FRMD5: variants seen among roughly 807,000 people sequenced by gnomAD.
The protein encoded by FRMD5 is FERM domain containing 5.
In FRMD5, 20 loss-of-function variants were observed where a neutral mutation model predicts 69.0. The observed-to-expected ratio is 0.29, with a 90% CI of 0.20 to 0.42. FRMD5 has a LOEUF of 0.42. Ranked by LOEUF, FRMD5 falls within the 10% of genes least tolerant of loss-of-function variation. The pLI is 1.00. For synonymous variants in FRMD5, 271 were observed against 260.1 expected, an observed-to-expected ratio of 1.04 and a Z score of -0.40; for missense variants, 595 against 708.6, an observed-to-expected ratio of 0.84 and a Z score of 1.82.
intron 1 of FRMD5, among the ~76,000 whole-genome samples, chr15:44,110,739 T>C (rs548094065): frequency 9.2e-5 from 14 of 152,216 alleles, no homozygotes; most frequent in Non-Finnish European, 1.9e-4. Context: ...ATCCCTTTAA[T>C]GAAGCCATGC....
intron 1 of FRMD5, among the ~76,000 whole-genome samples, chr15:44,001,369 T>C (rs777590908): frequency 1.3e-5 from 2 of 152,236 alleles, no homozygotes; most frequent in Non-Finnish European, 2.9e-5. Context: ...CTTTTTCATT[T>C]TGTTGATGGT....
intron 1 of FRMD5, among the ~76,000 whole-genome samples, chr15:44,181,833 T>C (rs948325374): frequency 1.3e-5 from 2 of 151,808 alleles, no homozygotes; most frequent in Admixed American, 6.6e-5. Flanking sequence ...AGCCCAGGAG[T>C]TCGAGGGTAA....
chr15:44,125,088 T>C (rs1453598146), intron 1 of FRMD5, among the ~76,000 whole-genome samples: 1 of 152,238 alleles, frequency 6.6e-6, no homozygotes. Flanking sequence ...GGTGTTTTCT[T>C]AGGTTGTCAA....
chr15:44,036,936 C>T lies in FRMD5; in HGVS notation c.103-112627G>A, dbSNP rs575781137. Among the ~76,000 whole-genome samples the T allele has an allele frequency of 5.3e-5, 8 of 152,116 alleles. No homozygotes were observed. In the South Asian group the frequency reaches 1.7e-3, roughly 32 times the overall value. ...TTCTTGTTGTTAAATCCAACAGGTACTTTTCAATCATTATTTTGCCTGACT... is the reference window on the plus strand; with the variant it reads ...TTCTTGTTGTTAAATCCAACAGGTATTTTTCAATCATTATTTTGCCTGACT... On this transcript the variant is annotated intron_variant, in intron 1 of 13. Coordinates refer to ENST00000417257, the MANE Select transcript of FRMD5 (RefSeq NM_032892.5).
chr15:44,195,562 G>A (rs528828722), upstream of FRMD5, among the ~76,000 whole-genome samples: 1 of 152,332 alleles, frequency 6.6e-6, no homozygotes, highest in South Asian at 2.1e-4. Context: ...CTGGATTGAT[G>A]TCTGCCGCCT....
intron 1 of FRMD5, among the ~76,000 whole-genome samples, chr15:44,075,876 A>G (rs1177235703): frequency 2.6e-5 from 4 of 152,192 alleles, no homozygotes; most frequent in Non-Finnish European, 5.9e-5. Flanking sequence ...GTGAGATGGT[A>G]TCTCATTGTG....
chr15:44,066,921 G>A (rs1893334318), intron 1 of FRMD5, among the ~76,000 whole-genome samples: 1 of 152,070 alleles, frequency 6.6e-6, no homozygotes, highest in South Asian at 2.1e-4. Flanking sequence ...CCTTAAAGGG[G>A]CAACAAAGAC....
intron 1 of FRMD5, among the ~76,000 whole-genome samples, chr15:44,128,149 A>G (rs896120765): frequency 1.3e-5 from 2 of 152,228 alleles, no homozygotes; most frequent in Admixed American, 6.5e-5. Flanking sequence ...AAGAGCAACT[A>G]TTTTTATATC....
At chr15:44,137,915 G>T (rs781657435) in intron 1 of FRMD5, among the ~76,000 whole-genome samples, 2 of 152,110 alleles carry the variant, frequency 1.3e-5, no homozygotes, top group African/African-American at 2.4e-5. Flanking sequence ...ACTGGAAAAA[G>T]CAGTTATGTC....
At position 44,099,920 on chromosome 15, in the gene FRMD5, C is replaced by G. The variant is rs962888088; in HGVS notation, c.102+95033G>C. Among the ~76,000 whole-genome samples the G allele has an allele frequency of 4.6e-5, 7 of 151,928 alleles. No individual in the cohort carries two copies. In the South Asian group the frequency reaches 1.2e-3, roughly 27 times the overall value. ...ATTCTGATTAAGCAATTTTTGCTAG[C>G]TTTCCTTCTTTCTGATTTAACCCAG... On this transcript the variant is annotated intron_variant, in intron 1 of 13. Coordinates refer to ENST00000417257, the MANE Select transcript of FRMD5 (RefSeq NM_032892.5).
At chr15:43,960,220 C>A (rs1189743093) in intron 1 of FRMD5, among the ~76,000 whole-genome samples, 1 of 152,132 alleles carries the variant, frequency 6.6e-6, no homozygotes, top group Non-Finnish European at 1.5e-5. Flanking sequence ...TCCCAAGTAG[C>A]TGGGACTACA....
chr15:43,969,283 T>C (rs2090341134), intron 1 of FRMD5, among the ~76,000 whole-genome samples: 1 of 152,018 alleles, frequency 6.6e-6, no homozygotes, highest in Non-Finnish European at 1.5e-5. Context: ...GGTCTTACTA[T>C]GTGGCCCAGC....
chr15:44,006,739 G>GA (rs1186498535), intron 1 of FRMD5, among the ~76,000 whole-genome samples: 5 of 152,216 alleles, frequency 3.3e-5, no homozygotes, highest in African/African-American at 4.8e-5. Context: ...AGTTGAACCT[G>GA]AAGATGTGAC....
At chr15:43,961,821 A>C (rs2090206228) in intron 1 of FRMD5, among the ~76,000 whole-genome samples, 2 of 152,134 alleles carry the variant, frequency 1.3e-5, no homozygotes, top group Admixed American at 6.5e-5. Flanking sequence ...TTATCTCAAT[A>C]GATGCAGAAA....
chr15:44,153,183 C>T (rs148691120), intron 1 of FRMD5, among the ~76,000 whole-genome samples: 63 of 152,168 alleles, frequency 4.1e-4, no homozygotes, highest in African/African-American at 1.4e-3. Context: ...ATATAATTAC[C>T]ATATGGTCCA....
chr15:44,178,847 C>T (rs926398107), intron 1 of FRMD5, among the ~76,000 whole-genome samples: 2 of 152,088 alleles, frequency 1.3e-5, no homozygotes, highest in African/African-American at 4.8e-5. Flanking sequence ...ACAAAATTAG[C>T]CAGGTGTGGT....
At chr15:43,894,187 G>A (rs1376762867) in intron 7 of FRMD5, among the ~76,000 whole-genome samples, 1 of 152,176 alleles carries the variant, frequency 6.6e-6, no homozygotes, top group African/African-American at 2.4e-5. Flanking sequence ...GGAGGCACCA[G>A]GGCTAATCTG....
intron 1 of FRMD5, among the ~76,000 whole-genome samples, chr15:44,097,638 C>A (rs1279347594): frequency 6.6e-6 from 1 of 152,144 alleles, no homozygotes; most frequent in African/African-American, 2.4e-5. Context: ...CACACAGAAC[C>A]GTCTATCTGT....
intron 1 of FRMD5, among the ~76,000 whole-genome samples, chr15:43,998,330 A>G (rs1890033738): frequency 6.6e-6 from 1 of 152,232 alleles, no homozygotes; most frequent in African/African-American, 2.4e-5. Flanking sequence ...CTGGAAGACA[A>G]GTAAAGAAAT....
Sources: allele counts gnomAD v4.1 joint callset (sites outside exome capture counted in the v4.1 genomes callset), GRCh38; gene constraint gnomAD v4.1.1; transcripts MANE v1.5; gene names NCBI Gene and HGNC (gene_info 2026-07-23, HGNC 2026-07-21).